Variants in PRRG4 observed in about 807,000 individuals in gnomAD.
The protein encoded by PRRG4 is proline rich and Gla domain 4.
Under a neutral mutation model 20.0 loss-of-function variants are expected in PRRG4, and 12 were observed. That is an observed-to-expected ratio of 0.60 (90% CI 0.38 to 0.97). The LOEUF (loss-of-function observed/expected upper bound fraction) is 0.97. Ranked by LOEUF, PRRG4 falls within the 50% of genes least tolerant of loss-of-function variation. The probability of loss-of-function intolerance (pLI) is 0.00; values close to 1 mark genes in which losing one functional copy is unlikely to be tolerated. For synonymous variants in PRRG4, 94 were observed against 96.4 expected (o/e 0.98, Z 0.15); for missense variants, 199 against 265.1 (o/e 0.75, Z 1.73).
Position 32,836,783 on chromosome 11 carries a change from G to T in PRRG4, c.229G>T (p.Glu77Ter). ...RECNEELCNYEEAREIFVDED... is the reference protein window; with the variant it reads ...RECNEELCNY ...GTGCAATGAAGAACTTTGCAATTAT[G>T]AGGAAGCCAGAGAGATTTTTGTGGA... The change falls in exon 3 of 6, where the codon GAG becomes TAG. Residue 77 changes from glutamate (E) to a stop codon, truncating the protein, a stop_gained. Transcript: ENST00000257836. LOFTEE classifies it high-confidence loss of function. The T allele has an allele frequency of 6.2e-7, 1 of 1,612,850 alleles. No individual in the cohort carries two copies. The highest frequency in any genetic ancestry group is 8.5e-7 in the Non-Finnish European group (1 of 1,179,478).
Position 32,855,045 on chromosome 11 carries a change from A to G in PRRG4, c.*1518A>G, listed in dbSNP as rs1851218737. ...TGAAATTTGTTAAACTTCATAAGTA[A>G]TAGTTTGAGAATGTGGAAAAAGTAA... On this transcript the variant is annotated 3_prime_UTR_variant, in exon 6 of 6. Transcript: ENST00000257836. The G allele has an allele frequency of 1.3e-5, 2 of 152,226 alleles. No individual in the cohort carries two copies. The highest frequency in any genetic ancestry group is 2.9e-5 in the Non-Finnish European group (2 of 68,034). 9.4% of individuals were successfully genotyped at this position (152,226 alleles called of 1,614,324 possible). A position where few individuals can be genotyped will look rare whatever the true frequency, so the allele number is the denominator to read the frequency against.
In PRRG4 at chr11:32,840,179, T is replaced by G. The variant is rs759701829; in HGVS notation, c.389T>G (p.Ile130Ser). ...ATTGCTGCTGGAGTATTTTTGGTTA[T>G]TTTTGGATTACTTGGCTACTATCTT... ...GLIAAGVFLV[I>S]FGLLGYYLCI... The change falls in exon 5 of 6, where the codon ATT becomes AGT. Residue 130 changes from isoleucine to serine, a missense_variant. Coordinates refer to ENST00000257836, the MANE Select transcript of PRRG4 (RefSeq NM_024081.6). The surrounding 1 kb of genome is among the most constrained non-coding windows in gnomAD (Gnocchi z 4.1). 1.2e-6 allele frequency: 2 copies of G among 1,608,596 alleles called. No individual in the cohort carries two copies. Among genetic ancestry groups the G allele is most frequent in the African/African-American group, 2.7e-5 (2 of 74,820 alleles).
intron 5 of PRRG4, among the ~76,000 whole-genome samples, chr11:32,843,460 G>A (rs954347267): frequency 5.9e-5 from 9 of 151,328 alleles, no homozygotes; most frequent in African/African-American, 1.9e-4. Context: ...AAGCAATTGC[G>A]GTTTTTGCCA....
In PRRG4 at chr11:32,839,049, A is replaced by G. The variant is rs566599436; in HGVS notation, c.316+119A>G. On this transcript the variant is annotated intron_variant, in intron 4 of 5. Transcript: ENST00000257836. ...ACATACATACCTTATAAATCCAAGG[A>G]GATTTCTCAACTATGCACCGGGCTA... The G allele has an allele frequency of 1.3e-4, 90 of 693,084 alleles. No individual in the cohort carries two copies. In the South Asian group the frequency reaches 1.6e-3, roughly 12 times the overall value. The allele number at this position is 693,084 out of a possible 1,614,324, so 42.9% of individuals were successfully genotyped here.
Position 32,855,057 on chromosome 11 carries a change from T to C in PRRG4, c.*1530T>C, listed in dbSNP as rs879317305. The C allele has an allele frequency of 6.6e-6, 1 of 152,186 alleles. No homozygotes were observed. The highest frequency in any genetic ancestry group is 1.5e-5 in the Non-Finnish European group (1 of 68,028). 9.4% of individuals were successfully genotyped at this position (152,186 alleles called of 1,614,324 possible). ...AACTTCATAAGTAATAGTTTGAGAA[T>C]GTGGAAAAAGTAATTTGCTTTTCTG... is the stretch of plus-strand genomic sequence containing the variant. On this transcript the variant is annotated 3_prime_UTR_variant, in exon 6 of 6. Transcript: ENST00000257836.
In PRRG4 at chr11:32,853,802, T is replaced by TG; in HGVS notation, c.*278dup. 4 of 297,000 alleles carry TG rather than the reference T, an allele frequency of 1.3e-5. No individual in the cohort carries two copies. The highest frequency in any genetic ancestry group is 1.9e-5 in the Non-Finnish European group (3 of 158,110). 18.4% of individuals were successfully genotyped at this position (297,000 alleles called of 1,614,324 possible). ...GAGATCACGCCACTGCATTCCAGCC[T>TG]GGGCGACAGAGCAAGACTCCATCTC... On this transcript the variant is annotated 3_prime_UTR_variant, in exon 6 of 6. Transcript: ENST00000257836.
intron 1 of PRRG4, 35 bp from the exon 2 acceptor site, chr11:32,830,473 C>CTT (rs759621045): frequency 2.4e-5 from 29 of 1,194,120 alleles, no homozygotes; most frequent in Middle Eastern, 3.1e-4. Flanking sequence ...AGCTAGGGGC[C>CTT]TTTTTTTTTT....
intron 3 of PRRG4, among the ~76,000 whole-genome samples, chr11:32,837,656 C>T (rs1190963656): frequency 6.6e-6 from 1 of 151,426 alleles, no homozygotes; most frequent in Non-Finnish European, 1.5e-5. Context: ...CTCCCGGGTT[C>T]AAGCCATTCT....
At chr11:32,848,598 A>G (rs1477877448) in intron 5 of PRRG4, among the ~76,000 whole-genome samples, 1 of 151,262 alleles carries the variant, frequency 6.6e-6, no homozygotes, top group African/African-American at 2.4e-5. Flanking sequence ...ATTGTATATA[A>G]TATGTGTATA....
intron 5 of PRRG4, among the ~76,000 whole-genome samples, chr11:32,850,529 T>G (rs1463893270): frequency 6.6e-6 from 1 of 152,238 alleles, no homozygotes; most frequent in Non-Finnish European, 1.5e-5. Flanking sequence ...TTTGTTCCCC[T>G]CAGCAACTCT....
chr11:32,832,205 T>C (rs1440116797), intron 2 of PRRG4, among the ~76,000 whole-genome samples: 1 of 152,072 alleles, frequency 6.6e-6, no homozygotes, highest in Admixed American at 6.6e-5. Flanking sequence ...CCCCGTGCTG[T>C]GTGGTGGAGA....
chr11:32,833,097 G>A (rs958093412), intron 2 of PRRG4, among the ~76,000 whole-genome samples: 1 of 152,118 alleles, frequency 6.6e-6, no homozygotes, highest in Non-Finnish European at 1.5e-5. Context: ...CAAGTTCAGG[G>A]TTACTTAGAA....
rs1369261595 is a variant in PRRG4, at chr11:32,855,206, T to A, written c.*1679T>A. 1 of 152,172 alleles carries A rather than the reference T, an allele frequency of 6.6e-6. No individual in the cohort carries two copies. Among genetic ancestry groups the A allele is most frequent in the Non-Finnish European group, 1.5e-5 (1 of 68,020 alleles). 9.4% of individuals were successfully genotyped at this position (152,172 alleles called of 1,614,324 possible). On this transcript the variant is annotated 3_prime_UTR_variant, in exon 6 of 6. Transcript: ENST00000257836. The stretch of plus-strand genomic sequence containing the variant: ...TTTGTCTCTTCTTCTAAATCATATG[T>A]ATAACCAGTTTTTCCTTAAGAATGT...
At chr11:32,851,076 AAAT>A (rs113546084) in intron 5 of PRRG4, among the ~76,000 whole-genome samples, 3 of 151,840 alleles carry the variant, frequency 2.0e-5, no homozygotes, top group African/African-American at 4.8e-5. Flanking sequence ...TCAGTCGCAA[AAAT>A]AATAATAATA....
At chr11:32,851,072 G>A (rs1020353507) in intron 5 of PRRG4, among the ~76,000 whole-genome samples, 2 of 151,286 alleles carry the variant, frequency 1.3e-5, no homozygotes, top group African/African-American at 4.9e-5. Context: ...AAATTCAGTC[G>A]CAAAAATAAT....
In PRRG4 at chr11:32,856,404, A is replaced by G. The variant is rs1851227741; in HGVS notation, c.*2877A>G. 1 of 152,224 alleles carries G rather than the reference A, an allele frequency of 6.6e-6. No individual in the cohort carries two copies. The highest frequency in any genetic ancestry group is 1.5e-5 in the Non-Finnish European group (1 of 68,042). 9.4% of individuals were successfully genotyped at this position (152,224 alleles called of 1,614,324 possible). A position where few individuals can be genotyped will look rare whatever the true frequency, so the allele number is the denominator to read the frequency against. ...GGAGATCATGATACTTTAAATATAA[A>G]AAGGAAAATATGATAGAACTGTTAT... On this transcript the variant is annotated 3_prime_UTR_variant, in exon 6 of 6. Coordinates refer to ENST00000257836, the MANE Select transcript of PRRG4 (RefSeq NM_024081.6).
chr11:32,842,683 G>A (rs1195510470), intron 5 of PRRG4, among the ~76,000 whole-genome samples: 1 of 152,026 alleles, frequency 6.6e-6, no homozygotes, highest in Admixed American at 6.6e-5. Context: ...TCAAGCCATT[G>A]CACTCTAGCC....
rs1013016701 is a variant in PRRG4, at chr11:32,856,856, A to G, written c.*3329A>G. ...ATTTTTATTTTTAATTTTTTGAGAC[A>G]AGGTCTTGCTCTGCTACCCAGGCTG... is the stretch of plus-strand genomic sequence containing the variant. On this transcript the variant is annotated 3_prime_UTR_variant, in exon 6 of 6. Coordinates refer to ENST00000257836, the MANE Select transcript of PRRG4 (RefSeq NM_024081.6). 2.6e-5 allele frequency: 4 copies of G among 152,148 alleles called. No homozygotes were observed. Among genetic ancestry groups the G allele is most frequent in the Non-Finnish European group, 5.9e-5 (4 of 68,024 alleles). 9.4% of individuals were successfully genotyped at this position (152,148 alleles called of 1,614,324 possible).
chr11:32,850,365 G>A lies in PRRG4; in HGVS notation c.450-2931G>A, dbSNP rs539131282. ...GCAGAATTCGAGTGCAGGAAGTAAA[G>A]TGGCACTGTGATTATGACATGTCTT... On this transcript the variant is annotated intron_variant, in intron 5 of 5. Coordinates refer to ENST00000257836, the MANE Select transcript of PRRG4 (RefSeq NM_024081.6). Among the ~76,000 whole-genome samples, 5 of 152,288 alleles carry A rather than the reference G, an allele frequency of 3.3e-5. No individual in the cohort carries two copies. The East Asian group carries it at 5.8e-4, about 18-fold the overall frequency.
Sources: gnomAD v4.1 joint callset for allele counts (sites outside exome capture counted in the v4.1 genomes callset) on GRCh38, gnomAD v4.1.1 for gene constraint, Gnocchi (gnomAD v3.1) non-coding constraint, MANE v1.5 for transcripts, NCBI Gene and HGNC (gene_info 2026-07-23, HGNC 2026-07-21) for gene names.